GALNTL6: variants seen among roughly 807,000 people sequenced by gnomAD.
GALNTL6 encodes the protein polypeptide N-acetylgalactosaminyltransferase like 6.
In GALNTL6, 46 loss-of-function variants were observed where a neutral mutation model predicts 73.7. That is an observed-to-expected ratio of 0.62 (90% confidence interval 0.49 to 0.80). GALNTL6 has a LOEUF of 0.80. Among genes scored for constraint, GALNTL6 ranks in the 30% least tolerant of loss-of-function variants. The pLI is 0.00. For synonymous variants in GALNTL6, 259 were observed against 263.7 expected, an observed-to-expected ratio of 0.98 and a Z score of 0.17; for missense variants, 604 against 755.0, an observed-to-expected ratio of 0.80 and a Z score of 2.34.
intron 5 of GALNTL6, among the ~76,000 whole-genome samples, chr4:172,358,184 G>A (rs1742235230): frequency 6.6e-6 from 1 of 152,216 alleles, no homozygotes; most frequent in African/African-American, 2.4e-5. Context: ...TTGAATTCAA[G>A]TTCCAGCTCT....
chr4:172,304,075 TG>T (rs574432764), intron 3 of GALNTL6, among the ~76,000 whole-genome samples: 1,870 of 54,460 alleles, frequency 0.034, 21 homozygotes, highest in Non-Finnish European at 0.077. Context: ...CACAATATTC[TG>T]GGTTTTTTTT....
intron 2 of GALNTL6, among the ~76,000 whole-genome samples, chr4:172,223,571 T>C (rs1736757893): frequency 6.6e-6 from 1 of 152,098 alleles, no homozygotes; most frequent in African/African-American, 2.4e-5. Context: ...ACCTTATCTT[T>C]CTTGGTTCAT....
intron 5 of GALNTL6, among the ~76,000 whole-genome samples, chr4:172,536,971 TG>T (rs761125712): frequency 4.1e-4 from 63 of 152,216 alleles, no homozygotes; most frequent in Non-Finnish European, 8.1e-4. Flanking sequence ...CAGACTTGCA[TG>T]GGACTTGTAG....
intron 5 of GALNTL6, among the ~76,000 whole-genome samples, chr4:172,663,940 A>AAAAAAAG (rs1553969283): frequency 1.4e-5 from 2 of 147,124 alleles, no homozygotes; most frequent in Non-Finnish European, 1.5e-5. Context: ...AAAAAAAAAA[A>AAAAAAAG]AAAGAAAGAA....
intron 5 of GALNTL6, among the ~76,000 whole-genome samples, chr4:172,502,233 C>G (rs1734287550): frequency 1.3e-5 from 2 of 152,178 alleles, no homozygotes; most frequent in Non-Finnish European, 2.9e-5. Context: ...TTCTTCACAA[C>G]TCCAGCTAGA....
intron 8 of GALNTL6, among the ~76,000 whole-genome samples, chr4:172,892,866 G>T (rs1050873515): frequency 3.3e-5 from 5 of 152,156 alleles, no homozygotes; most frequent in African/African-American, 9.7e-5. Context: ...GCAGCCCAAG[G>T]CAAGGTTTAC....
At chr4:171,954,029 T>C (rs373956809) in intron 2 of GALNTL6, among the ~76,000 whole-genome samples, 11 of 152,176 alleles carry the variant, frequency 7.2e-5, no homozygotes, top group East Asian at 5.8e-4. Flanking sequence ...GCAAACCTTA[T>C]GGACCAGAAA....
At chr4:172,955,143 A>G (rs182941184) in intron 10 of GALNTL6, among the ~76,000 whole-genome samples, 291 of 152,322 alleles carry the variant, frequency 1.9e-3, no homozygotes, top group African/African-American at 4.9e-3. Context: ...GAAATAATGA[A>G]AAAAGATTAT....
Position 171,981,106 on chromosome 4 carries a change from G to A in GALNTL6, c.138+166388G>A, listed in dbSNP as rs1026455973. Among the ~76,000 whole-genome samples the A allele has an allele frequency of 3.3e-5, 5 of 152,182 alleles. No homozygotes were observed. In the East Asian group the frequency reaches 5.8e-4, roughly 18 times the overall value. On this transcript the variant is annotated intron_variant, in intron 2 of 12. Transcript: ENST00000506823. ...CCTGACACAACCTCAGGGGTCTTGA[G>A]GACATGCACCCAAGGTAATCAGGGT... is the stretch of plus-strand genomic sequence containing the variant.
intron 2 of GALNTL6, among the ~76,000 whole-genome samples, chr4:172,047,297 C>G (rs1213412289): frequency 6.6e-6 from 1 of 152,086 alleles, no homozygotes; most frequent in Non-Finnish European, 1.5e-5. Flanking sequence ...ACACCATCTC[C>G]TCACTAAAGA....
intron 4 of GALNTL6, among the ~76,000 whole-genome samples, chr4:172,332,129 C>T (rs1310749225): frequency 6.6e-6 from 1 of 152,006 alleles, no homozygotes; most frequent in Non-Finnish European, 1.5e-5. Context: ...AGGTGTTGAG[C>T]AATTTTTAAT....
intron 2 of GALNTL6, among the ~76,000 whole-genome samples, chr4:171,913,252 T>C (rs139337692): frequency 1.1e-4 from 16 of 152,314 alleles, no homozygotes; most frequent in African/African-American, 2.9e-4. Flanking sequence ...GTGTAATTAA[T>C]CACAGCATCT....
intron 2 of GALNTL6, among the ~76,000 whole-genome samples, chr4:171,888,069 C>T (rs1736654100): frequency 6.6e-6 from 1 of 151,934 alleles, no homozygotes; most frequent in Non-Finnish European, 1.5e-5. Context: ...CTGAATTAAT[C>T]AAAGTTGTTT....
rs767786976 is a variant in GALNTL6 at position 172,809,567 on chromosome 4, A to T, written c.739+21A>T. ...CCTCAGTGAGTACAGGTTGCTAAGC[A>T]CCATCCTGGGATGCCTCAGGGGAAC... On this transcript the variant is annotated intron_variant, in intron 6 of 12. Coordinates refer to ENST00000506823, the MANE Select transcript of GALNTL6 (RefSeq NM_001034845.3). The surrounding 1 kb of genome is among the most constrained non-coding windows in gnomAD (Gnocchi z 4.4). 8 of 1,588,248 alleles carry T rather than the reference A, an allele frequency of 5.0e-6. No individual in the cohort carries two copies. Among genetic ancestry groups the T allele is most frequent in the South Asian group, 1.1e-5 (1 of 87,428 alleles).
chr4:171,943,840 G>A (rs370106377), intron 2 of GALNTL6, among the ~76,000 whole-genome samples: 36 of 151,962 alleles, frequency 2.4e-4, no homozygotes, highest in African/African-American at 5.1e-4. Context: ...TTCTTCCTAC[G>A]GGTAGGCTTT....
At chr4:172,813,031 G>C (rs1183874242) in intron 6 of GALNTL6, among the ~76,000 whole-genome samples, 1 of 152,166 alleles carries the variant, frequency 6.6e-6, no homozygotes, top group Non-Finnish European at 1.5e-5. Flanking sequence ...TGAGAGCAAA[G>C]AATTCTATGT....
chr4:172,594,595 C>T (rs1267869169), intron 5 of GALNTL6, among the ~76,000 whole-genome samples: 1 of 152,036 alleles, frequency 6.6e-6, no homozygotes, highest in South Asian at 2.1e-4. Flanking sequence ...CATTTACTCT[C>T]GACATAAGTT....
At chr4:172,774,115 C>T (rs1738934334) in intron 5 of GALNTL6, among the ~76,000 whole-genome samples, 1 of 152,182 alleles carries the variant, frequency 6.6e-6, no homozygotes, top group African/African-American at 2.4e-5. Context: ...ACAACGAATT[C>T]AAGGAAAATC....
intron 2 of GALNTL6, among the ~76,000 whole-genome samples, chr4:172,053,425 A>T (rs1433668717): frequency 6.6e-6 from 1 of 152,158 alleles, no homozygotes; most frequent in African/African-American, 2.4e-5. Flanking sequence ...TAAGGTGAGG[A>T]TAGAGGTAGC....
Sources: gnomAD v4.1 joint callset for allele counts (sites outside exome capture counted in the v4.1 genomes callset) on GRCh38, gnomAD v4.1.1 for gene constraint, Gnocchi (gnomAD v3.1) non-coding constraint, MANE v1.5 for transcripts, NCBI Gene and HGNC (gene_info 2026-07-23, HGNC 2026-07-21) for gene names.